Variants in SEMA5A observed in about 807,000 individuals in gnomAD.
SEMA5A encodes semaphorin-5A.
In SEMA5A, 55 loss-of-function variants were observed where a neutral mutation model predicts 135.5. The observed-to-expected ratio is 0.41, with a 90% CI of 0.33 to 0.51. The LOEUF is 0.51. Ranked by LOEUF, SEMA5A falls within the 20% of genes least tolerant of loss-of-function variation. The pLI is 0.37. For missense variants in SEMA5A, 1,290 were observed against 1,419.9 expected, an observed-to-expected ratio of 0.91 and a Z score of 1.47; for synonymous variants, 580 against 546.5, an observed-to-expected ratio of 1.06 and a Z score of -0.85.
intron 9 of SEMA5A, among the ~76,000 whole-genome samples, chr5:9,197,748 G>GTT (rs1745486019): frequency 9.9e-6 from 1 of 100,782 alleles, no homozygotes; most frequent in African/African-American, 3.6e-5. Flanking sequence ...GTGTGTGTGT[G>GTT]TGTGTGTGTG....
chr5:9,478,268 C>T lies in SEMA5A; in HGVS notation c.-174-40416G>A, dbSNP rs268515. On this transcript the variant is annotated intron_variant, in intron 1 of 22. Transcript: ENST00000382496. ...GCAGGGGCAGAGCCCTCATGGAGAA[C>T]CTCTACTCAGGCAATGCAGAGGGGC... Among the ~76,000 whole-genome samples, 1,357 of 152,338 alleles carry T rather than the reference C, an allele frequency of 8.9e-3. 30 individuals are homozygous for T. The highest frequency in any genetic ancestry group is 0.031 in the African/African-American group (1,289 of 41,580).
At chr5:9,465,955 C>T (rs1468081354) in intron 1 of SEMA5A, among the ~76,000 whole-genome samples, 2 of 152,168 alleles carry the variant, frequency 1.3e-5, no homozygotes, top group African/African-American at 2.4e-5. Flanking sequence ...TTCAGAGAGA[C>T]GTCCAGTGTT....
At position 9,535,239 on chromosome 5, in the gene SEMA5A, G is replaced by T. The variant is rs557823181; in HGVS notation, c.-175+10345C>A. ...CGCAGGCGTAAGCTTTCAAGTGAATGAATCTTTGCGATTCTTACTTGCCAG... is the reference window on the plus strand; with the variant it reads ...CGCAGGCGTAAGCTTTCAAGTGAATTAATCTTTGCGATTCTTACTTGCCAG... On this transcript the variant is annotated intron_variant, in intron 1 of 22. Transcript: ENST00000382496. Among the ~76,000 whole-genome samples, 5 of 152,346 alleles carry T rather than the reference G, an allele frequency of 3.3e-5. No homozygotes were observed. In the East Asian group the frequency reaches 7.7e-4, roughly 24 times the overall value.
At chr5:9,263,718 CTTTGCCA>C in intron 5 of SEMA5A, among the ~76,000 whole-genome samples, 1 of 152,296 alleles carries the variant, frequency 6.6e-6, no homozygotes, top group South Asian at 2.1e-4. Context: ...ATGATCTGTA[CTTTGCCA>C]TGTGATTCCA....
At chr5:9,044,077 C>G (rs1459696139) in intron 22 of SEMA5A, among the ~76,000 whole-genome samples, 1 of 152,084 alleles carries the variant, frequency 6.6e-6, no homozygotes, top group African/African-American at 2.4e-5. Flanking sequence ...ATGCTCATGG[C>G]TTGTGGATCT....
chr5:9,228,510 T>C (rs1252543998), intron 6 of SEMA5A, among the ~76,000 whole-genome samples: 3 of 152,204 alleles, frequency 2.0e-5, no homozygotes, highest in African/African-American at 7.2e-5. Flanking sequence ...TTACTCTGAA[T>C]GTGAAAGGAG....
chr5:9,318,544 G>A, intron 4 of SEMA5A, 127 bp from the exon 5 acceptor site: 1 of 717,684 alleles, frequency 1.4e-6, no homozygotes, highest in Non-Finnish European at 2.3e-6. Flanking sequence ...CTAAGAATAT[G>A]TTCAGCACTA....
intron 12 of SEMA5A, among the ~76,000 whole-genome samples, chr5:9,142,528 C>A (rs1230710926): frequency 6.6e-6 from 1 of 152,214 alleles, no homozygotes; most frequent in African/African-American, 2.4e-5. Context: ...ATATTAACTT[C>A]TATTATCATT....
chr5:9,311,673 A>G (rs561943488), intron 5 of SEMA5A, among the ~76,000 whole-genome samples: 1 of 152,130 alleles, frequency 6.6e-6, no homozygotes, highest in South Asian at 2.1e-4. Flanking sequence ...CAGCACACCA[A>G]CAAGGCACAT....
intron 1 of SEMA5A, among the ~76,000 whole-genome samples, chr5:9,475,814 T>C (rs1388436842): frequency 6.6e-6 from 1 of 152,210 alleles, no homozygotes; most frequent in African/African-American, 2.4e-5. Flanking sequence ...ATTAATGTGA[T>C]TTTGATTAAA....
chr5:9,308,623 G>A (rs1454759254), intron 5 of SEMA5A, among the ~76,000 whole-genome samples: 2 of 152,064 alleles, frequency 1.3e-5, no homozygotes, highest in African/African-American at 4.8e-5. Context: ...AAAATTAACG[G>A]TTATATTCAC....
At chr5:9,378,694 T>C (rs1579441299) in intron 3 of SEMA5A, among the ~76,000 whole-genome samples, 1 of 152,196 alleles carries the variant, frequency 6.6e-6, no homozygotes. Context: ...TAAAAGAGAC[T>C]CAAGAAATAT....
chr5:9,325,074 C>A (rs771867116), intron 4 of SEMA5A, among the ~76,000 whole-genome samples: 1 of 152,150 alleles, frequency 6.6e-6, no homozygotes, highest in Non-Finnish European at 1.5e-5. Flanking sequence ...AGATTAGATT[C>A]TTTGAATGCA....
At chr5:9,420,945 G>A (rs115196967) in intron 2 of SEMA5A, among the ~76,000 whole-genome samples, 1 of 152,242 alleles carries the variant, frequency 6.6e-6, no homozygotes, top group Non-Finnish European at 1.5e-5. Context: ...GAACCCCGGA[G>A]GGGTAGGTTA....
At chr5:9,053,980 C>G (rs1005798969) in intron 19 of SEMA5A, 107 bp downstream of exon 19, 27 of 1,320,742 alleles carry the variant, frequency 2.0e-5, no homozygotes, top group Non-Finnish European at 2.7e-5. Flanking sequence ...TTGCCCACCC[C>G]CCTTTCAGTA....
intron 5 of SEMA5A, among the ~76,000 whole-genome samples, chr5:9,306,276 A>C (rs1346149953): frequency 1.3e-5 from 2 of 152,034 alleles, no homozygotes; most frequent in Non-Finnish European, 2.9e-5. Flanking sequence ...GTTGTATGTG[A>C]GTTAGAGTTT....
At chr5:9,392,292 TC>T (rs2126532581) in intron 2 of SEMA5A, among the ~76,000 whole-genome samples, 1 of 152,330 alleles carries the variant, frequency 6.6e-6, no homozygotes, top group East Asian at 1.9e-4. Context: ...TTTTTTTACA[TC>T]CTATTATATG....
chr5:9,331,509 T>C (rs567025544), intron 4 of SEMA5A, among the ~76,000 whole-genome samples: 1 of 152,298 alleles, frequency 6.6e-6, no homozygotes, highest in South Asian at 2.1e-4. Flanking sequence ...AACTTAAGCT[T>C]AACCAATCAG....
At chr5:9,525,788 G>T (rs900013822) in intron 1 of SEMA5A, among the ~76,000 whole-genome samples, 1 of 152,146 alleles carries the variant, frequency 6.6e-6, no homozygotes, top group African/African-American at 2.4e-5. Flanking sequence ...CTGAGAAATT[G>T]TATCTTTTTT....
Sources: allele counts gnomAD v4.1 joint callset (sites outside exome capture counted in the v4.1 genomes callset), GRCh38; gene constraint gnomAD v4.1.1; transcripts MANE v1.5; gene names NCBI Gene and HGNC (gene_info 2026-07-23, HGNC 2026-07-21).